Variants in GFRA2 observed in about 807,000 individuals in gnomAD.
The protein encoded by GFRA2 is GDNF family receptor alpha-2.
GFRA2 carries 17 observed loss-of-function variants against 48.3 expected under a neutral mutation model. The observed-to-expected ratio is 0.35, with a 90% CI of 0.24 to 0.53. The LOEUF (loss-of-function observed/expected upper bound fraction) is 0.53. Ranked by LOEUF, GFRA2 falls within the 20% of genes least tolerant of loss-of-function variation. The probability of loss-of-function intolerance (pLI) is 0.93; values close to 1 mark genes in which losing one functional copy is unlikely to be tolerated. For synonymous variants in GFRA2, 305 were observed against 257.2 expected, an observed-to-expected ratio of 1.19 and a Z score of -1.78; for missense variants, 660 against 637.3, an observed-to-expected ratio of 1.04 and a Z score of -0.38.
intron 4 of GFRA2, among the ~76,000 whole-genome samples, chr8:21,743,329 C>T (rs1804846394): frequency 6.6e-6 from 1 of 152,180 alleles, no homozygotes; most frequent in Admixed American, 6.5e-5. Context: ...CAGATGGGCC[C>T]CTGAGCGAGA....
At chr8:21,809,720 G>A (rs1484005023) in intron 1 of GFRA2, among the ~76,000 whole-genome samples, 2 of 152,206 alleles carry the variant, frequency 1.3e-5, no homozygotes, top group Non-Finnish European at 2.9e-5. Flanking sequence ...CCACACTTTT[G>A]TGTTGCTGTC....
intron 2 of GFRA2, among the ~76,000 whole-genome samples, chr8:21,779,140 C>T (rs1212708103): frequency 6.6e-6 from 1 of 152,160 alleles, no homozygotes; most frequent in African/African-American, 2.4e-5. Flanking sequence ...GTAGAGGCTG[C>T]AGTGAGCTGT....
intron 2 of GFRA2, among the ~76,000 whole-genome samples, chr8:21,803,316 C>T (rs1807804758): frequency 6.6e-6 from 1 of 152,240 alleles, no homozygotes. Flanking sequence ...GAACCAATTA[C>T]ATGCTCCTGT....
chr8:21,734,079 C>T (rs964261110), intron 4 of GFRA2, among the ~76,000 whole-genome samples: 3 of 152,198 alleles, frequency 2.0e-5, no homozygotes, highest in Non-Finnish European at 4.4e-5. Context: ...CCGAAGGGCT[C>T]CCCAAGACCC....
chr8:21,790,285 C>G (rs1042096719), upstream of GFRA2, among the ~76,000 whole-genome samples: 4 of 152,222 alleles, frequency 2.6e-5, no homozygotes, highest in African/African-American at 9.6e-5. Context: ...TCGGCGCGCA[C>G]ACACGGTGTC....
chr8:21,769,820 T>C (rs1001620586), intron 3 of GFRA2, among the ~76,000 whole-genome samples: 5 of 152,310 alleles, frequency 3.3e-5, no homozygotes, highest in East Asian at 3.9e-4. Context: ...AGAGGCCGTA[T>C]GCAAGGCTTC....
intron 4 of GFRA2, chr8:21,706,405 C>A (rs1340797468): frequency 6.4e-6 from 3 of 470,610 alleles, no homozygotes; most frequent in African/African-American, 5.9e-5. Flanking sequence ...CTGGGTCCAC[C>A]TTCTGAGAGG....
At chr8:21,778,937 A>G (rs1452826382) in intron 2 of GFRA2, among the ~76,000 whole-genome samples, 2 of 152,110 alleles carry the variant, frequency 1.3e-5, no homozygotes, top group Non-Finnish European at 2.9e-5. Flanking sequence ...CAAGCGGCCC[A>G]CGCCTATCAT....
intron 1 of GFRA2, among the ~76,000 whole-genome samples, chr8:21,810,601 T>A (rs1695526514): frequency 6.6e-6 from 1 of 152,184 alleles, no homozygotes; most frequent in African/African-American, 2.4e-5. Flanking sequence ...AGACCCCATC[T>A]CAGTGGCTGT....
chr8:21,734,058 G>A (rs1008032242), intron 4 of GFRA2, among the ~76,000 whole-genome samples: 7 of 152,172 alleles, frequency 4.6e-5, no homozygotes, highest in African/African-American at 1.7e-4. Context: ...TTTCTGAACT[G>A]GGGGCCTCCA....
intron 2 of GFRA2, among the ~76,000 whole-genome samples, chr8:21,795,369 TTC>T (rs1358275250): frequency 1.3e-5 from 2 of 151,382 alleles, no homozygotes; most frequent in African/African-American, 4.9e-5. Context: ...TTTTTCTTTT[TTC>T]TTTTTTCTTT....
intron 4 of GFRA2, among the ~76,000 whole-genome samples, chr8:21,730,884 T>C (rs530767958): frequency 1.8e-4 from 27 of 152,182 alleles, no homozygotes; most frequent in Admixed American, 9.2e-4. Context: ...GAATTTGAGA[T>C]AAGTATTAAT....
At chr8:21,784,652 G>T (rs1807180740) in intron 1 of GFRA2, among the ~76,000 whole-genome samples, 1 of 152,188 alleles carries the variant, frequency 6.6e-6, no homozygotes, top group Admixed American at 6.5e-5. Context: ...AGAACAGCAG[G>T]GATGGGCCTG....
intron 4 of GFRA2, among the ~76,000 whole-genome samples, chr8:21,728,907 TG>T (rs1804031403): frequency 6.6e-6 from 1 of 152,214 alleles, no homozygotes; most frequent in Non-Finnish European, 1.5e-5. Context: ...TTAGTACTAC[TG>T]GATGGAGGGG....
rs1403408715 is a variant in GFRA2, at chr8:21,706,005, G to C, written c.831C>G (p.Ala277=). The stretch of plus-strand genomic sequence containing the variant: ...GGCAGCTGGTGACCGTCTGGTAGGA[G>C]GCTCGACAATTGGCATGGAAGTCGG... ...RLADFHANCR[A]SYQTVTSCPA... is the part of the protein sequence containing the mutation. The change falls in exon 5 of 9, where the codon GCC becomes GCG. Residue 277 remains alanine (A), a synonymous_variant. Transcript: ENST00000524240. 6.3e-7 allele frequency: 1 copy of C among 1,579,596 alleles called. No individual in the cohort carries two copies. Among genetic ancestry groups the C allele is most frequent in the African/African-American group, 1.3e-5 (1 of 74,238 alleles).
Position 21,782,792 on chromosome 8 carries a change from C to T in GFRA2, c.148G>A (p.Glu50Lys), listed in dbSNP as rs1249690305. ...CGGTAGCGAGAGCTGCAGTTGGATT[C>T]GGCGGCACACAGCTCATTGGCCCGG... The part of the protein sequence containing the change: ...CVRANELCAA[E>K]SNCSSRYRTL... The change falls in exon 2 of 9, where the codon GAA (glutamate) becomes AAA (lysine). Residue 50 changes from glutamate (E) to lysine (K), a missense_variant. Transcript: ENST00000524240. 6.3e-6 allele frequency: 10 copies of T among 1,584,724 alleles called. No individual in the cohort carries two copies. In the African/African-American group the frequency reaches 1.1e-4, roughly 17 times the overall value.
intron 4 of GFRA2, among the ~76,000 whole-genome samples, chr8:21,724,994 C>A (rs1269669351): frequency 6.6e-6 from 1 of 152,224 alleles, no homozygotes; most frequent in Non-Finnish European, 1.5e-5. Context: ...GGACACTGGC[C>A]TTCCCGGCTA....
In GFRA2 at chr8:21,729,823, C is replaced by T. The variant is rs535334651; in HGVS notation, c.794+20765G>A. On this transcript the variant is annotated intron_variant, in intron 4 of 8. Transcript: ENST00000524240. ...CGACTCTCCTCTCCACTCTTCCAGA[C>T]CATGAGAATTAAGGGACCACATCCC... Among the ~76,000 whole-genome samples the T allele has an allele frequency of 1.6e-3, 239 of 152,280 alleles. 1 individual carries two copies. The highest frequency in any genetic ancestry group is 5.6e-3 in the African/African-American group (233 of 41,558).
In GFRA2 at chr8:21,705,127, TG is replaced by T. The variant is rs1325477250; in HGVS notation, c.905-3del. 6.2e-7 allele frequency: 1 copy of T among 1,607,546 alleles called. No individual in the cohort carries two copies. Among genetic ancestry groups the T allele is most frequent in the East Asian group, 2.2e-5 (1 of 44,820 alleles). On this transcript the variant is annotated splice_region_variant and splice_polypyrimidine_tract_variant and intron_variant, in intron 5 of 8. Transcript: ENST00000524240. ...CATAGTTAGGTGTCATGTCAAACCC[TG>T]GGCAGGAAGAAAGGTGGGGGAGAGG... is the stretch of plus-strand genomic sequence containing the variant.
Sources: gnomAD v4.1 joint callset for allele counts (sites outside exome capture counted in the v4.1 genomes callset) on GRCh38, gnomAD v4.1.1 for gene constraint, MANE v1.5 for transcripts, NCBI Gene and HGNC (gene_info 2026-07-23, HGNC 2026-07-21) for gene names.